Variants in XRCC4 observed in about 807,000 individuals in gnomAD.
XRCC4 encodes X-ray repair cross complementing 4.
XRCC4 carries 28 observed loss-of-function variants against 39.1 expected under a neutral mutation model. The ratio of observed to expected loss-of-function variants is 0.72; its 90% confidence interval spans 0.53 to 0.98. The LOEUF (loss-of-function observed/expected upper bound fraction) is 0.98, where lower values mean the gene tolerates loss of function less well. Ranked by LOEUF, XRCC4 falls within the 50% of genes least tolerant of loss-of-function variation. The probability of loss-of-function intolerance (pLI) is 0.00; values close to 1 mark genes in which losing one functional copy is unlikely to be tolerated. For missense variants in XRCC4, 350 were observed against 376.4 expected (o/e 0.93, Z 0.58); for synonymous variants, 123 against 126.4 (o/e 0.97, Z 0.18).
At chr5:83,371,953 G>T in the XRCC4 span, among the ~76,000 whole-genome samples, 1 of 152,160 alleles carries the variant, frequency 6.6e-6, no homozygotes, top group African/African-American at 2.4e-5. Flanking sequence ...ATTCCAGAAA[G>T]CACTAGCAAA....
chr5:83,178,158 C>T (rs578158804), intron 3 of XRCC4, among the ~76,000 whole-genome samples: 47 of 151,986 alleles, frequency 3.1e-4, no homozygotes, highest in Admixed American at 1.1e-3. Context: ...GTAGAGGTTT[C>T]GGTTACTGGG....
intron 1 of XRCC4, among the ~76,000 whole-genome samples, chr5:83,091,354 A>G (rs1600362): frequency 0.49 from 74,835 of 152,064 alleles, 19,320 homozygotes; most frequent in African/African-American, 0.64. Context: ...AACTATTAAA[A>G]CCATCAGCTC....
intron 3 of XRCC4, among the ~76,000 whole-genome samples, chr5:83,124,086 C>T (rs1430226531): frequency 2.0e-5 from 3 of 152,090 alleles, no homozygotes; most frequent in African/African-American, 7.2e-5. Context: ...AACTAAACTA[C>T]AGACTGTACA....
chr5:83,368,064 TGAAC>T, the XRCC4 span, among the ~76,000 whole-genome samples: 2 of 143,930 alleles, frequency 1.4e-5, no homozygotes, highest in Non-Finnish European at 3.0e-5. Flanking sequence ...ATCTCTACAC[TGAAC>T]CCCAATAAGA....
At chr5:83,252,948 T>G (rs1360828101) in intron 6 of XRCC4, among the ~76,000 whole-genome samples, 9 of 152,144 alleles carry the variant, frequency 5.9e-5, no homozygotes, top group Admixed American at 5.9e-4. Flanking sequence ...ATAATTTAAT[T>G]GGAGAAACAA....
At chr5:83,186,084 C>T (rs1163121664) in intron 3 of XRCC4, among the ~76,000 whole-genome samples, 1 of 152,070 alleles carries the variant, frequency 6.6e-6, no homozygotes, top group Non-Finnish European at 1.5e-5. Context: ...TAAACATTTA[C>T]AAATTAGATA....
At chr5:83,125,754 G>T (rs1312469739) in intron 3 of XRCC4, among the ~76,000 whole-genome samples, 1 of 152,086 alleles carries the variant, frequency 6.6e-6, no homozygotes, top group Admixed American at 6.6e-5. Flanking sequence ...AGGCCGAGGC[G>T]GGTGGATCAC....
intron 3 of XRCC4, among the ~76,000 whole-genome samples, chr5:83,130,842 T>G (rs1366168807): frequency 6.6e-6 from 1 of 152,186 alleles, no homozygotes; most frequent in Non-Finnish European, 1.5e-5. Flanking sequence ...TTATTGCATC[T>G]ATTTGATTCT....
chr5:83,372,139 A>G, the XRCC4 span, among the ~76,000 whole-genome samples: 4 of 152,224 alleles, frequency 2.6e-5, no homozygotes, highest in Admixed American at 6.5e-5. Context: ...GTGAAGAGTT[A>G]TACATCAATC....
At chr5:83,285,570 G>T (rs910991099) in intron 7 of XRCC4, among the ~76,000 whole-genome samples, 2 of 151,964 alleles carry the variant, frequency 1.3e-5, no homozygotes, top group Admixed American at 1.3e-4. Flanking sequence ...GTAACCTACT[G>T]GTTGACAGAA....
intron 7 of XRCC4, among the ~76,000 whole-genome samples, chr5:83,288,989 A>G (rs1006051642): frequency 2.0e-5 from 3 of 151,206 alleles, no homozygotes; most frequent in South Asian, 2.1e-4. Context: ...CTTTCAGTTT[A>G]TATCATTTTT....
chr5:83,246,899 G>C (rs2112862524), intron 6 of XRCC4, among the ~76,000 whole-genome samples: 1 of 152,280 alleles, frequency 6.6e-6, no homozygotes, highest in South Asian at 2.1e-4. Context: ...CCCACTTCCA[G>C]TTTCAAGAGT....
intron 2 of XRCC4, among the ~76,000 whole-genome samples, chr5:83,110,526 TATC>T (rs1329800765): frequency 2.0e-5 from 3 of 152,056 alleles, no homozygotes; most frequent in Non-Finnish European, 4.4e-5. Flanking sequence ...ATTATTTCCT[TATC>T]ATCTCCTTTC....
At chr5:83,339,857 G>C (rs1756702105) in intron 7 of XRCC4, among the ~76,000 whole-genome samples, 1 of 152,068 alleles carries the variant, frequency 6.6e-6, no homozygotes, top group African/African-American at 2.4e-5. Context: ...CCTAGACAAG[G>C]GCTACCGTAA....
chr5:83,218,427 C>T (rs1443773774), intron 6 of XRCC4, among the ~76,000 whole-genome samples: 3 of 151,780 alleles, frequency 2.0e-5, no homozygotes, highest in African/African-American at 7.3e-5. Flanking sequence ...GGGAAGGTAT[C>T]TAAAGAAAAC....
chr5:83,151,712 G>C (rs1748712897), intron 3 of XRCC4, among the ~76,000 whole-genome samples: 1 of 152,066 alleles, frequency 6.6e-6, no homozygotes, highest in Non-Finnish European at 1.5e-5. Flanking sequence ...CCAATGTTCT[G>C]TGTGCACTAA....
rs189504402 is a variant in XRCC4 at position 83,185,692 on chromosome 5, C to T, written c.316-10078C>T. Among the ~76,000 whole-genome samples the T allele has an allele frequency of 4.8e-3, 726 of 151,908 alleles. 9 individuals carry two copies. The highest frequency in any genetic ancestry group is 0.017 in the African/African-American group (690 of 41,450). ...CATGTTATTGGTAAATGGATAGAAA[C>T]TAATGAGACTGAATAGCAAGCTCAA... is the stretch of plus-strand genomic sequence containing the variant. On this transcript the variant is annotated intron_variant, in intron 3 of 7. Coordinates refer to ENST00000396027, the MANE Select transcript of XRCC4 (RefSeq NM_003401.5).
At chr5:83,346,579 G>A (rs1756923410) in intron 7 of XRCC4, among the ~76,000 whole-genome samples, 1 of 152,018 alleles carries the variant, frequency 6.6e-6, no homozygotes, top group South Asian at 2.1e-4. Context: ...GAAAACATTA[G>A]GTAAAGTAAA....
chr5:83,172,863 C>T (rs1323813597), intron 3 of XRCC4, among the ~76,000 whole-genome samples: 1 of 152,084 alleles, frequency 6.6e-6, no homozygotes, highest in Non-Finnish European at 1.5e-5. Context: ...TTCTGTGATC[C>T]TGTTTTTGTG....
Sources: gnomAD v4.1 joint callset for allele counts (sites outside exome capture counted in the v4.1 genomes callset) on GRCh38, gnomAD v4.1.1 for gene constraint, MANE v1.5 for transcripts, NCBI Gene and HGNC (gene_info 2026-07-23, HGNC 2026-07-21) for gene names.